The following ZNF536 variants were observed in gnomAD, a reference collection of about 807,000 sequenced individuals.
ZNF536 encodes zinc finger protein 536.
ZNF536 carries 13 observed loss-of-function variants against 84.5 expected under a neutral mutation model. That is an observed-to-expected ratio of 0.15 (90% CI 0.10 to 0.24). The LOEUF (loss-of-function observed/expected upper bound fraction) is 0.24, where lower values mean the gene tolerates loss of function less well. Ranked by LOEUF, ZNF536 falls within the 10% of genes least tolerant of loss-of-function variation. The probability of loss-of-function intolerance (pLI) is 1.00; values close to 1 mark genes in which losing one functional copy is unlikely to be tolerated. For synonymous variants in ZNF536, 811 were observed against 742.5 expected, an observed-to-expected ratio of 1.09 and a Z score of -1.50; for missense variants, 1,536 against 1,747.5, an observed-to-expected ratio of 0.88 and a Z score of 2.16.
At chr19:30,457,900 A>T (rs1329770482) in intron 2 of ZNF536, among the ~76,000 whole-genome samples, 2 of 152,198 alleles carry the variant, frequency 1.3e-5, no homozygotes, top group East Asian at 3.9e-4. Context: ...TGCAGCCTGC[A>T]GCAGAGGATT....
chr19:30,443,793 G>A lies in ZNF536; in HGVS notation c.231G>A (p.Met77Ile), dbSNP rs2148153749. 6.2e-7 allele frequency: 1 copy of A among 1,613,248 alleles called. No individual in the cohort carries two copies. The change falls in exon 2 of 5, where the codon ATG becomes ATA. Residue 77 changes from methionine (M) to isoleucine (I), a missense_variant. By Grantham distance (10) the Met-to-Ile change is conservative. This residue lies in a region of ZNF536 where 161 missense variants were observed against 178.5 expected (regional missense o/e 0.90). Transcript: ENST00000355537. The stretch of plus-strand genomic sequence containing the variant: ...ACGTGCCCATGAGCGGCCAGCCCAT[G>A]GGCAGTCAGATGGCGCTCCTGGCCA... ...KAHVPMSGQP[M>I]GSQMALLANQ...
At chr19:30,338,960 C>A (rs961384314) in intron 2 of ZNF536, among the ~76,000 whole-genome samples, 1 of 152,138 alleles carries the variant, frequency 6.6e-6, no homozygotes, top group East Asian at 1.9e-4. Context: ...GAGTGCAGCA[C>A]CTGCCAGCCC....
intron 2 of ZNF536, among the ~76,000 whole-genome samples, chr19:30,470,942 C>G (rs552628389): frequency 6.6e-6 from 1 of 151,612 alleles, no homozygotes; most frequent in African/African-American, 2.4e-5. Context: ...CCTGCCTCAG[C>G]TTACCAAAGT....
chr19:30,621,938 C>G (rs1393179621), intron 1 of ZNF536, among the ~76,000 whole-genome samples: 1 of 152,254 alleles, frequency 6.6e-6, no homozygotes, highest in Non-Finnish European at 1.5e-5. Context: ...GTCCCCCAGA[C>G]AGCGTGCAGT....
At chr19:30,508,329 A>T (rs2055257733) in intron 2 of ZNF536, among the ~76,000 whole-genome samples, 1 of 152,172 alleles carries the variant, frequency 6.6e-6, no homozygotes, top group Admixed American at 6.5e-5. Flanking sequence ...GCTTTGGAAG[A>T]CATTCTGGAA....
chr19:30,700,789 A>G (rs1394620539), intron 1 of ZNF536, among the ~76,000 whole-genome samples: 1 of 152,194 alleles, frequency 6.6e-6, no homozygotes, highest in Non-Finnish European at 1.5e-5. Flanking sequence ...TTTTTAATGT[A>G]TCCAACTGAC....
chr19:30,473,353 G>A lies in ZNF536; in HGVS notation c.2170+27621G>A, dbSNP rs987451605. On this transcript the variant is annotated intron_variant, in intron 2 of 4. Transcript: ENST00000355537. Reference sequence around the variant, plus strand: ...ATATCCTTTGGTGTTTTAGCCCAGCGTGTCCCATGGCCCCAGAGTATGCAA... The same window carrying A: ...ATATCCTTTGGTGTTTTAGCCCAGCATGTCCCATGGCCCCAGAGTATGCAA... 3.3e-5 allele frequency among the ~76,000 whole-genome samples: 5 copies of A among 152,008 alleles called. No homozygotes were observed. In the South Asian group the frequency reaches 6.2e-4, roughly 19 times the overall value.
rs2053564749 is a variant in ZNF536, at chr19:30,469,960, A to T, written c.2170+24228A>T. Among the ~76,000 whole-genome samples the T allele has an allele frequency of 1.3e-5, 2 of 152,230 alleles. 1 individual carries two copies. Among genetic ancestry groups the T allele is most frequent in the South Asian group, 4.1e-4 (2 of 4,826 alleles). ...ATTTAGCTGACGGCAAGGAAGCCAGAGAAATCAGCAGCAACAGTGGTCTCC... is the reference window on the plus strand; with the variant it reads ...ATTTAGCTGACGGCAAGGAAGCCAGTGAAATCAGCAGCAACAGTGGTCTCC... On this transcript the variant is annotated intron_variant, in intron 2 of 4. Coordinates refer to ENST00000355537, the MANE Select transcript of ZNF536 (RefSeq NM_014717.3).
At chr19:30,419,975 G>T (rs1195916542) in intron 1 of ZNF536, among the ~76,000 whole-genome samples, 1 of 152,204 alleles carries the variant, frequency 6.6e-6, no homozygotes, top group Non-Finnish European at 1.5e-5. Context: ...AGGCCAGATT[G>T]TGGTGGCCGG....
intron 2 of ZNF536, among the ~76,000 whole-genome samples, chr19:30,479,390 C>T (rs1482553512): frequency 6.6e-6 from 1 of 152,150 alleles, no homozygotes; most frequent in Non-Finnish European, 1.5e-5. Context: ...AGTCACGTGG[C>T]CCCAGCTAAA....
intron 1 of ZNF536, among the ~76,000 whole-genome samples, chr19:30,384,424 G>C (rs1314867533): frequency 6.7e-6 from 1 of 148,208 alleles, no homozygotes; most frequent in African/African-American, 2.5e-5. Context: ...CTGTGTTAAT[G>C]CTGGGGGCCT....
At chr19:30,565,980 A>G (rs1394731542) in intron 1 of ZNF536, among the ~76,000 whole-genome samples, 1 of 152,242 alleles carries the variant, frequency 6.6e-6, no homozygotes. Flanking sequence ...CACAGCATTT[A>G]TAACGTCAGG....
At chr19:30,251,895 C>T (rs1047629663) in intron 1 of ZNF536, among the ~76,000 whole-genome samples, 1 of 152,200 alleles carries the variant, frequency 6.6e-6, no homozygotes, top group Non-Finnish European at 1.5e-5. Context: ...ATCCAGGTTG[C>T]TGTGAATGCC....
exon 2 of ZNF536, chr19:30,712,214 AAGG>A (rs1318033813): frequency 6.6e-6 from 1 of 152,200 alleles, no homozygotes. Flanking sequence ...CACCACACAG[AAGG>A]AGATTTTGAG....
At chr19:30,503,870 A>G (rs541619986) in intron 2 of ZNF536, among the ~76,000 whole-genome samples, 2 of 150,592 alleles carry the variant, frequency 1.3e-5, no homozygotes, top group African/African-American at 2.4e-5. Flanking sequence ...ATTTAGAAAT[A>G]TATTTCTGTA....
In ZNF536 at chr19:30,444,324, G is replaced by A. The variant is rs763724071; in HGVS notation, c.762G>A (p.Pro254=). Residue 254 remains proline, a synonymous_variant, in exon 2 of 5, where the codon CCG becomes CCA. Coordinates refer to ENST00000355537, the MANE Select transcript of ZNF536 (RefSeq NM_014717.3). ...ACAGCGTTCCCGACGTGGCCCACCC[G>A]GTGCCCTCGCCCAAGCCTGCCAGCG... The part of the protein sequence containing the change: ...ANHSVPDVAH[P]VPSPKPASVQ... The A allele has an allele frequency of 3.8e-6, 6 of 1,589,912 alleles. No individual in the cohort carries two copies. The highest frequency in any genetic ancestry group is 3.4e-5 in the Admixed American group (2 of 58,828).
chr19:30,494,367 G>A (rs906663928), intron 2 of ZNF536, among the ~76,000 whole-genome samples: 7 of 152,228 alleles, frequency 4.6e-5, no homozygotes, highest in South Asian at 2.1e-4. Flanking sequence ...AGTTGCAGGC[G>A]TCTTGCTTCG....
intron 1 of ZNF536, among the ~76,000 whole-genome samples, chr19:30,252,371 G>A (rs535457513): frequency 4.6e-5 from 7 of 152,160 alleles, no homozygotes; most frequent in Non-Finnish European, 7.4e-5. Context: ...GCTGGGGACC[G>A]CACTCCTAGT....
intron 1 of ZNF536, among the ~76,000 whole-genome samples, chr19:30,395,349 A>C (rs1298464215): frequency 6.6e-6 from 1 of 152,174 alleles, no homozygotes; most frequent in East Asian, 1.9e-4. Context: ...TCTACAGTCA[A>C]ACACCTAAGA....
Sources: allele counts gnomAD v4.1 joint callset (sites outside exome capture counted in the v4.1 genomes callset), GRCh38; gene constraint gnomAD v4.1.1; regional missense constraint gnomAD v4.1.1; transcripts MANE v1.5; gene names NCBI Gene and HGNC (gene_info 2026-07-23, HGNC 2026-07-21).